TUB: variants seen among roughly 807,000 people sequenced by gnomAD.
TUB encodes the protein tubby protein homolog.
A neutral mutation model predicts 59.7 loss-of-function variants in TUB; 33 were observed. The observed-to-expected ratio is 0.55, with a 90% CI of 0.42 to 0.74. The LOEUF is 0.74. TUB is among the 30% of genes least tolerant of loss of function. TUB has a pLI of 0.00. For synonymous variants in TUB, 293 were observed against 256.4 expected, an observed-to-expected ratio of 1.14 and a Z score of -1.36; for missense variants, 659 against 672.0, an observed-to-expected ratio of 0.98 and a Z score of 0.21.
intron 1 of TUB, among the ~76,000 whole-genome samples, chr11:8,020,336 T>C (rs1942404873): frequency 6.6e-6 from 1 of 152,176 alleles, no homozygotes; most frequent in African/African-American, 2.4e-5. Context: ...CTGCTTCCTG[T>C]GCTCTCCTTC....
intron 2 of TUB, among the ~76,000 whole-genome samples, chr11:8,049,680 C>A (rs1256040495): frequency 4.0e-5 from 6 of 150,366 alleles, no homozygotes; most frequent in Non-Finnish European, 7.4e-5. Flanking sequence ...TATTATATAA[C>A]CATAATAACA....
upstream of TUB, among the ~76,000 whole-genome samples, chr11:8,036,795 G>T (rs561042534): frequency 6.6e-6 from 1 of 152,324 alleles, no homozygotes; most frequent in East Asian, 1.9e-4. Flanking sequence ...CCTCCAGGGG[G>T]TCATGGCACA....
chr11:8,039,765 C>T lies in TUB; in HGVS notation c.203+73C>T, dbSNP rs1221661057. 1.7e-5 allele frequency: 23 copies of T among 1,331,676 alleles called. No homozygotes were observed. In the Admixed American group the frequency reaches 3.4e-4, roughly 20 times the overall value. The allele number at this position is 1,331,676 out of a possible 1,614,324, so 82.5% of individuals were successfully genotyped here. ...CACAGGAGACTGTGAGGGAGGTGGGCGGAAGACGTGGGTGGCTCAGGGGCC... is the reference window on the plus strand; with the variant it reads ...CACAGGAGACTGTGAGGGAGGTGGGTGGAAGACGTGGGTGGCTCAGGGGCC... On this transcript the variant is annotated intron_variant, in intron 2 of 12. Coordinates refer to the TUB transcript ENST00000305253.
intron 1 of TUB, among the ~76,000 whole-genome samples, chr11:8,086,538 C>T (rs1159885139): frequency 2.6e-5 from 4 of 152,096 alleles, no homozygotes; most frequent in African/African-American, 7.2e-5. Flanking sequence ...GCGCACTTGT[C>T]GTTAGCTAGG....
intron 2 of TUB, among the ~76,000 whole-genome samples, chr11:8,049,604 T>C (rs865914830): frequency 3.4e-5 from 5 of 146,568 alleles, no homozygotes; most frequent in African/African-American, 1.3e-4. Flanking sequence ...GATAGATAGA[T>C]ACACACACAC....
rs1944544643 is a variant in TUB, at chr11:8,105,686, C to T, written c.*4067C>T. On this transcript the variant is annotated 3_prime_UTR_variant, in exon 12 of 12. Transcript: ENST00000299506. Reference sequence around the variant, plus strand: ...GTGAATGAAAATTATTCCTTGCTTTCATCACTACCTTTATAGCTCTCATCA... The same window carrying T: ...GTGAATGAAAATTATTCCTTGCTTTTATCACTACCTTTATAGCTCTCATCA... The T allele has an allele frequency of 6.7e-6, 1 of 148,486 alleles. No individual in the cohort carries two copies. Among genetic ancestry groups the T allele is most frequent in the Non-Finnish European group, 1.5e-5 (1 of 67,874 alleles). 9.2% of individuals were successfully genotyped at this position (148,486 alleles called of 1,614,324 possible).
At chr11:8,095,398 G>T (rs961846521) in intron 4 of TUB, 100 bp from the exon 5 acceptor site, 3 of 1,294,744 alleles carry the variant, frequency 2.3e-6, no homozygotes, top group African/African-American at 3.0e-5. Context: ...TTTTGCAGAG[G>T]GTTTCCCCAC....
At chr11:8,032,686 CCGCACATCT>C (rs138342732) in intron 1 of TUB, among the ~76,000 whole-genome samples, 69,162 of 151,616 alleles carry the variant, frequency 0.46, 16,938 homozygotes, top group Middle Eastern at 0.59. Context: ...TTTGCACCTC[CCGCACATCT>C]GGCTCACGCC....
exon 1 of TUB, chr11:8,019,340 G>T: frequency 7.8e-7 from 1 of 1,278,308 alleles, no homozygotes; most frequent in Non-Finnish European, 9.9e-7. Flanking sequence ...CTGTCTTACA[G>T]CCGCTGGAGC....
intron 2 of TUB, among the ~76,000 whole-genome samples, chr11:8,048,530 G>T (rs55810550): frequency 0.21 from 31,570 of 151,918 alleles, 3,618 homozygotes; most frequent in African/African-American, 0.29. Context: ...ATCTACTGAG[G>T]ACCTGGAACT....
intron 3 of TUB, 62 bp downstream of exon 3, chr11:8,090,293 C>G: frequency 6.3e-7 from 1 of 1,583,188 alleles, no homozygotes; most frequent in African/African-American, 1.3e-5. Context: ...ACTTCCTGCC[C>G]ACCTAGGCAG....
chr11:8,100,688 T>TGG, intron 10 of TUB, 87 bp downstream of exon 10: 1 of 1,480,514 alleles, frequency 6.8e-7, no homozygotes, highest in Non-Finnish European at 9.3e-7. Flanking sequence ...CTGATGTGTG[T>TGG]ATGTGGAGGG....
chr11:8,071,121 G>T (rs960384878), intron 2 of TUB, among the ~76,000 whole-genome samples: 4 of 152,108 alleles, frequency 2.6e-5, no homozygotes, highest in Non-Finnish European at 5.9e-5. Context: ...TCATCACCTC[G>T]ACTCTTTTTC....
chr11:8,054,972 G>A (rs894984912), intron 2 of TUB, among the ~76,000 whole-genome samples: 3 of 152,128 alleles, frequency 2.0e-5, no homozygotes, highest in Admixed American at 6.5e-5. Context: ...AGGCTGGCCC[G>A]TCCTAGAGTC....
chr11:8,019,820 C>T (rs1293623388), intron 1 of TUB, among the ~76,000 whole-genome samples: 1 of 151,984 alleles, frequency 6.6e-6, no homozygotes, highest in African/African-American at 2.4e-5. Flanking sequence ...AGGCTGGCCC[C>T]GGGCGGAGTG....
Position 8,102,947 on chromosome 11 carries a change from C to G in TUB, c.*1328C>G, listed in dbSNP as rs1041615593. 1 of 152,190 alleles carries G rather than the reference C, an allele frequency of 6.6e-6. No homozygotes were observed. Among genetic ancestry groups the G allele is most frequent in the Non-Finnish European group, 1.5e-5 (1 of 68,044 alleles). 9.4% of individuals were successfully genotyped at this position (152,190 alleles called of 1,614,324 possible). A position where few individuals can be genotyped will look rare whatever the true frequency, so the allele number is the denominator to read the frequency against. ...ATTCTGCATGCCCTCCCCACTTCCC[C>G]CGATTCAGAGACTTAGAAGCATCAG... On this transcript the variant is annotated 3_prime_UTR_variant, in exon 12 of 12. Transcript: ENST00000299506.
chr11:8,096,198 A>G (rs1273883213), intron 5 of TUB, among the ~76,000 whole-genome samples: 2 of 152,212 alleles, frequency 1.3e-5, no homozygotes, highest in African/African-American at 4.8e-5. Flanking sequence ...AGCTCAGGGC[A>G]AAGATGAGGA....
At chr11:8,027,753 G>C (rs1260896311) in intron 1 of TUB, among the ~76,000 whole-genome samples, 2 of 152,210 alleles carry the variant, frequency 1.3e-5, no homozygotes, top group Admixed American at 6.5e-5. Flanking sequence ...GACCTCAAGT[G>C]ATCCGCCCAT....
At position 8,104,666 on chromosome 11, in the gene TUB, T is replaced by C. The variant is rs1944459630; in HGVS notation, c.*3047T>C. The C allele has an allele frequency of 6.6e-6, 1 of 152,214 alleles. No individual in the cohort carries two copies. The highest frequency in any genetic ancestry group is 1.5e-5 in the Non-Finnish European group (1 of 68,028). 9.4% of individuals were successfully genotyped at this position (152,214 alleles called of 1,614,324 possible). A position where few individuals can be genotyped will look rare whatever the true frequency, so the allele number is the denominator to read the frequency against. On this transcript the variant is annotated 3_prime_UTR_variant, in exon 12 of 12. Coordinates refer to ENST00000299506, the MANE Select transcript of TUB (RefSeq NM_177972.3). ...TGAGTCAGAGGACACCATCCAAGAA[T>C]GTTGTTAGCTTTTCAGTTCCCGCTC... is the stretch of plus-strand genomic sequence containing the variant.
Sources: allele counts gnomAD v4.1 joint callset (sites outside exome capture counted in the v4.1 genomes callset), GRCh38; gene constraint gnomAD v4.1.1; transcripts MANE v1.5; gene names NCBI Gene and HGNC (gene_info 2026-07-23, HGNC 2026-07-21).